Variants in BEST1 observed in about 807,000 individuals in gnomAD.
BEST1 encodes bestrophin 1.
In BEST1, 58 loss-of-function variants were observed where a neutral mutation model predicts 63.3. The observed-to-expected ratio is 0.92, with a 90% CI of 0.74 to 1.14. The LOEUF (loss-of-function observed/expected upper bound fraction) is 1.14, where lower values mean the gene tolerates loss of function less well. BEST1 is among the 50% of genes most tolerant of loss of function. The probability of loss-of-function intolerance (pLI) is 0.00; values close to 1 mark genes in which losing one functional copy is unlikely to be tolerated. For synonymous variants in BEST1, 283 were observed against 291.6 expected (o/e 0.97, Z 0.30); for missense variants, 671 against 740.1 (o/e 0.91, Z 1.08).
At chr11:61,958,646 C>T (rs1941666416) in intron 7 of BEST1, 8 of 547,670 alleles carry the variant, frequency 1.5e-5, no homozygotes, top group South Asian at 1.2e-4. Flanking sequence ...TCTCCTTATT[C>T]AAGATGCCTG....
In BEST1 at chr11:61,959,271, G is replaced by T. The variant is rs561123984; in HGVS notation, c.868-227G>T. ...AGTGATACACTCAGGGACAGCTGTG[G>T]GTGTTCAGGGAAGGACTGGCTCAGA... On this transcript the variant is annotated intron_variant, in intron 7 of 10. Coordinates refer to ENST00000378043, the MANE Select transcript of BEST1 (RefSeq NM_004183.4). 9.9e-5 allele frequency: 59 copies of T among 596,578 alleles called. No individual in the cohort carries two copies. In the Admixed American group the frequency reaches 1.6e-3, roughly 16 times the overall value. 37.0% of individuals were successfully genotyped at this position (596,578 alleles called of 1,614,324 possible). A position where few individuals can be genotyped will look rare whatever the true frequency, so the allele number is the denominator to read the frequency against.
chr11:61,962,286 A>C lies in BEST1; in HGVS notation c.1132A>C (p.Asn378His), dbSNP rs1942145711. Residue 378 changes from asparagine to histidine, a missense_variant, in exon 10 of 11, where the codon AAT becomes CAT. By Grantham distance (68) the Asn-to-His change is moderately conservative (BLOSUM62 1). Coordinates refer to ENST00000378043, the MANE Select transcript of BEST1 (RefSeq NM_004183.4). ...LNKEEMEFQPNQEDEEDAHAG... is the reference protein window; with the variant it reads ...LNKEEMEFQPHQEDEEDAHAG... ...CAAAGAGGAGATGGAGTTCCAGCCC[A>C]ATCAGGAGGACGAGGAGGATGCTCA... is the stretch of plus-strand genomic sequence containing the variant. 1.2e-6 allele frequency: 2 copies of C among 1,614,058 alleles called. No individual in the cohort carries two copies. Among genetic ancestry groups the C allele is most frequent in the African/African-American group, 2.7e-5 (2 of 74,910 alleles).
In BEST1 at chr11:61,955,176, G is replaced by A. The variant is rs1805141; in HGVS notation, c.222G>A (p.Gln74=). The A allele has an allele frequency of 6.2e-7, 1 of 1,614,092 alleles. No individual in the cohort carries two copies. Among genetic ancestry groups the A allele is most frequent in the Non-Finnish European group, 8.5e-7 (1 of 1,180,036 alleles). ...KLTLYCDSYI[Q]LIPISFVLGF... Reference sequence around the variant, plus strand: ...CTCTGTATTGCGACAGCTACATCCAGCTCATCCCCATTTCCTTCGTGCTGG... The same window carrying A: ...CTCTGTATTGCGACAGCTACATCCAACTCATCCCCATTTCCTTCGTGCTGG... Residue 74 remains glutamine, a synonymous_variant, in exon 3 of 11, where the codon CAG becomes CAA. Coordinates refer to ENST00000378043, the MANE Select transcript of BEST1 (RefSeq NM_004183.4).
At chr11:61,951,607 A>G (rs940016917) in intron 1 of BEST1, among the ~76,000 whole-genome samples, 164 bp from the exon 2 acceptor site, 1 of 152,114 alleles carries the variant, frequency 6.6e-6, no homozygotes, top group African/African-American at 2.4e-5. Context: ...TTGCGTTTCT[A>G]CTTCCAAAAG....
At position 61,956,009 on chromosome 11, in the gene BEST1, G is replaced by A. The variant is rs936336180; in HGVS notation, c.481+58G>A. On this transcript the variant is annotated intron_variant, in intron 4 of 10. Coordinates refer to ENST00000378043, the MANE Select transcript of BEST1 (RefSeq NM_004183.4). ...GGCAGAGCCAGGGGCCGAGATGGGC[G>A]CGGCAGGAATGGAAGATGGGTGGAG... 4.7e-6 allele frequency: 7 copies of A among 1,485,176 alleles called. No individual in the cohort carries two copies. In the African/African-American group the frequency reaches 5.6e-5, roughly 12 times the overall value. 92.0% of individuals were successfully genotyped at this position (1,485,176 alleles called of 1,614,324 possible).
At chr11:61,955,293 C>A in intron 3 of BEST1, 92 bp downstream of exon 3, 2 of 1,195,032 alleles carry the variant, frequency 1.7e-6, no homozygotes, top group Non-Finnish European at 1.2e-6. Context: ...CGGCAAGGGG[C>A]TGGGGAGGGG....
At chr11:61,963,101 A>G in intron 10 of BEST1, 6 of 1,464,428 alleles carry the variant, frequency 4.1e-6, no homozygotes, top group Non-Finnish European at 5.4e-6. Context: ...TTCTCACTTC[A>G]CCCTGGTATC....
At chr11:61,959,471 G>A (rs757003501) in intron 7 of BEST1, 27 bp from the exon 8 acceptor site, 2 of 1,612,278 alleles carry the variant, frequency 1.2e-6, no homozygotes, top group Non-Finnish European at 1.7e-6. Context: ...CTGCCTGAGG[G>A]TTTACAGAGC....
chr11:61,951,969 C>A lies in BEST1; in HGVS notation c.152+11C>A. 6.2e-7 allele frequency: 1 copy of A among 1,613,174 alleles called. No homozygotes were observed. The highest frequency in any genetic ancestry group is 8.5e-7 in the Non-Finnish European group (1 of 1,179,844). The stretch of plus-strand genomic sequence containing the variant: ...CCGCTTTATTTATAGGTAAAGCTGG[C>A]AGGGCTGGGCCGGGGGGCCTGGGAA... On this transcript the variant is annotated intron_variant, in intron 2 of 10. Transcript: ENST00000378043.
chr11:61,961,967 A>C, intron 9 of BEST1: 2 of 466,802 alleles, frequency 4.3e-6, no homozygotes, highest in Non-Finnish European at 3.9e-6. Context: ...TTACAGGGGA[A>C]GTGAATGATG....
downstream of BEST1, chr11:61,964,853 C>T (rs1347075894): frequency 7.5e-6 from 12 of 1,603,068 alleles, no homozygotes; most frequent in Admixed American, 2.0e-4. Context: ...TGGCTTTCAC[C>T]TGCTCATTCA....
At chr11:61,963,484 G>T in intron 10 of BEST1, 1 of 1,082,184 alleles carries the variant, frequency 9.2e-7, no homozygotes, top group African/African-American at 1.6e-5. Flanking sequence ...GCCCAAAGCT[G>T]TCACAAAATC....
At chr11:61,961,996 A>G (rs187680936) in intron 9 of BEST1, 79 of 542,118 alleles carry the variant, frequency 1.5e-4, no homozygotes, top group Non-Finnish European at 2.4e-4. Context: ...TTTACACGCC[A>G]GGCGGGGTGG....
At chr11:61,959,355 G>A (rs1335831429) in intron 7 of BEST1, 143 bp from the exon 8 acceptor site, 1 of 776,764 alleles carries the variant, frequency 1.3e-6, no homozygotes, top group East Asian at 2.7e-5. Context: ...GGGGGCTGGA[G>A]CCCTAAACTC....
At chr11:61,952,100 A>G in intron 2 of BEST1, 142 bp downstream of exon 2, 1 of 1,071,288 alleles carries the variant, frequency 9.3e-7, no homozygotes, top group South Asian at 1.3e-5. Context: ...GGTCCTGGGC[A>G]CTGGAGCTGA....
Position 61,954,132 on chromosome 11 carries a change from T to C in BEST1, c.153-975T>C, listed in dbSNP as rs550816425. Among the ~76,000 whole-genome samples, 6 of 151,744 alleles carry C rather than the reference T, an allele frequency of 4.0e-5. No individual in the cohort carries two copies. The South Asian group carries it at 1.2e-3, about 32-fold the overall frequency. The stretch of plus-strand genomic sequence containing the variant: ...GGCACTAATGCATGCTGAAAAAGAG[T>C]CAGACTTCATTTTTTAGAGTAGTTT... On this transcript the variant is annotated intron_variant, in intron 2 of 10. Transcript: ENST00000378043.
rs2134444859 is a variant in BEST1 at position 61,958,154 on chromosome 11, T to C, written c.723T>C (p.Thr241=). 2 of 1,337,696 alleles carry C rather than the reference T, an allele frequency of 1.5e-6. No individual in the cohort carries two copies. Among genetic ancestry groups the C allele is most frequent in the Admixed American group, 1.8e-5 (1 of 55,060 alleles). The allele number at this position is 1,337,696 out of a possible 1,614,324, so 82.9% of individuals were successfully genotyped here. A position where few individuals can be genotyped will look rare whatever the true frequency, so the allele number is the denominator to read the frequency against. Residue 241 remains threonine (T), a synonymous_variant, in exon 7 of 11, where the codon ACT becomes ACC. Transcript: ENST00000378043. ...CCTCCTCCTCCTCCCAGGTGGTGAC[T>C]GTGGCGGTGTACAGCTTCTTCCTGA... ...SIPLVYTQVV[T]VAVYSFFLTC... is the part of the protein sequence containing the mutation.
At chr11:61,965,126 G>A (rs12270214), downstream of BEST1, 7 of 1,603,008 alleles carry the variant, frequency 4.4e-6, no homozygotes, top group African/African-American at 8.0e-5. Context: ...AATGAGAATA[G>A]GTTAATGCAT....
Position 61,951,857 on chromosome 11 carries a change from C to A in BEST1, c.51C>A (p.Phe17Leu), listed in dbSNP as rs1940696725. The A allele has an allele frequency of 6.2e-7, 1 of 1,613,786 alleles. No individual in the cohort carries two copies. Among genetic ancestry groups the A allele is most frequent in the African/African-American group, 1.3e-5 (1 of 74,940 alleles). The change falls in exon 2 of 11, where the codon TTC becomes TTA. Residue 17 changes from phenylalanine (F) to leucine (L), a missense_variant. Physicochemically the swap from Phe to Leu is conservative, Grantham distance 22. Transcript: ENST00000378043. ...SQVANARLGS[F>L]SRLLLCWRGS... ...TGGCTAATGCCCGCTTAGGCTCCTT[C>A]TCCCGCCTGCTGCTGTGCTGGCGGG...
Sources: allele counts gnomAD v4.1 joint callset (sites outside exome capture counted in the v4.1 genomes callset), GRCh38; gene constraint gnomAD v4.1.1; transcripts MANE v1.5; gene names NCBI Gene and HGNC (gene_info 2026-07-23, HGNC 2026-07-21).